GLT6D1: variants seen among roughly 807,000 people sequenced by gnomAD.
The protein encoded by GLT6D1 is glycosyltransferase 6 domain containing 1, also known as putative glycosyltransferase 6 domain-containing protein 1.
In GLT6D1, 9 loss-of-function variants were observed where a neutral mutation model predicts 12.3. That is an observed-to-expected ratio of 0.73 (90% CI 0.44 to 1.27). The LOEUF is 1.27. Among genes scored for constraint, GLT6D1 ranks in the 50% most tolerant of loss-of-function variants. GLT6D1 has a pLI of 0.00. For synonymous variants in GLT6D1, 128 were observed against 132.3 expected, an observed-to-expected ratio of 0.97 and a Z score of 0.23; for missense variants, 335 against 346.2, an observed-to-expected ratio of 0.97 and a Z score of 0.26.
intron 2 of GLT6D1, among the ~76,000 whole-genome samples, chr9:135,635,503 C>T (rs980000003): frequency 6.6e-6 from 1 of 152,122 alleles, no homozygotes; most frequent in African/African-American, 2.4e-5. Flanking sequence ...AGGTCTGCTG[C>T]TTTCCTGGAG....
rs72471205 is a variant in GLT6D1 at position 135,624,724 on chromosome 9, CTTTTTTTTT to C, written c.258-63_258-55del. On this transcript the variant is annotated intron_variant, in intron 4 of 4. Coordinates refer to ENST00000371763, the MANE Select transcript of GLT6D1 (RefSeq NM_182974.3). ...TACTTTTCTCTTTTTTCTTTTCTTT[CTTTTTTTTT>C]TTTTTTTTTTTTTTGAGATGGAGTC... 5.8e-5 allele frequency: 33 copies of C among 565,524 alleles called. 1 individual carries two copies. The highest frequency in any genetic ancestry group is 4.0e-4 in the African/African-American group (12 of 30,200). The allele number at this position is 565,524 out of a possible 1,614,324, so 35.0% of individuals were successfully genotyped here. A position where few individuals can be genotyped will look rare whatever the true frequency, so the allele number is the denominator to read the frequency against.
chr9:135,624,493 A>T lies in GLT6D1; in HGVS notation c.435T>A (p.Asp145Glu), dbSNP rs201640295. 2.5e-6 allele frequency: 4 copies of T among 1,608,002 alleles called. No individual in the cohort carries two copies. The Admixed American group carries it at 5.0e-5, about 20-fold the overall frequency. ...FKVGTERWWL[D>E]GPLVHVKSLG... ...GGCTCTTCACATGCACCAGGGGGCC[A>T]TCGAGCCACCACCTCTCGGTGCCCA... is the stretch of plus-strand genomic sequence containing the variant. Residue 145 changes from aspartate (D) to glutamate (E), a missense_variant, in exon 5 of 5, where the codon GAT becomes GAA. Asp to Glu is a conservative substitution (Grantham distance 45). Transcript: ENST00000371763.
intron 2 of GLT6D1, among the ~76,000 whole-genome samples, chr9:135,632,278 G>A (rs1253252241): frequency 6.6e-6 from 1 of 152,022 alleles, no homozygotes; most frequent in Non-Finnish European, 1.5e-5. Flanking sequence ...GACCACAGGG[G>A]TGTGCCATCA....
chr9:135,630,368 G>A (rs1311267870), intron 3 of GLT6D1, among the ~76,000 whole-genome samples: 1 of 148,084 alleles, frequency 6.8e-6, no homozygotes, highest in East Asian at 2.0e-4. Context: ...ATCACGCCAT[G>A]CACCCCAGCC....
intron 3 of GLT6D1, among the ~76,000 whole-genome samples, chr9:135,628,783 C>T (rs1258518754): frequency 6.6e-6 from 1 of 151,884 alleles, no homozygotes; most frequent in Non-Finnish European, 1.5e-5. Flanking sequence ...CAAATTTTCC[C>T]TTTCTTCTTT....
intron 1 of GLT6D1, 34 bp from the exon 2 acceptor site, chr9:135,639,227 G>A (rs1328269991): frequency 8.1e-7 from 1 of 1,231,728 alleles, no homozygotes; most frequent in South Asian, 1.3e-5. Context: ...TAGATTTTAA[G>A]CAATAAAAAA....
rs1229187312 is a variant in GLT6D1 at position 135,626,061 on chromosome 9, G to T, written c.257+8C>A. 15 of 1,613,614 alleles carry T rather than the reference G, an allele frequency of 9.3e-6. No homozygotes were observed. Among genetic ancestry groups the T allele is most frequent in the Non-Finnish European group, 1.3e-5 (15 of 1,179,794 alleles). The stretch of plus-strand genomic sequence containing the variant: ...AAATAAAAAAGGGCAAAGGTGAGTG[G>T]CACCTACCTGCCAGTAGCAAAGACG... On this transcript the variant is annotated splice_region_variant and intron_variant, in intron 4 of 4. Coordinates refer to ENST00000371763, the MANE Select transcript of GLT6D1 (RefSeq NM_182974.3).
intron 2 of GLT6D1, among the ~76,000 whole-genome samples, chr9:135,636,442 T>C (rs928267070): frequency 4.6e-5 from 7 of 152,224 alleles, no homozygotes; most frequent in African/African-American, 1.7e-4. Flanking sequence ...GTGGGATTGT[T>C]CTGTACATTT....
chr9:135,633,098 T>A (rs1461729550), intron 2 of GLT6D1, among the ~76,000 whole-genome samples: 2 of 152,186 alleles, frequency 1.3e-5, no homozygotes, highest in Non-Finnish European at 2.9e-5. Flanking sequence ...AGTGGTGTCT[T>A]CAGGGATTAG....
At chr9:135,627,138 A>G (rs1044233377) in intron 3 of GLT6D1, among the ~76,000 whole-genome samples, 4 of 152,228 alleles carry the variant, frequency 2.6e-5, no homozygotes, top group Non-Finnish European at 1.5e-5. Flanking sequence ...CAATAAGGCA[A>G]GAAAATGAAA....
intron 3 of GLT6D1, among the ~76,000 whole-genome samples, chr9:135,626,415 C>G (rs1054849947): frequency 3.3e-5 from 5 of 152,216 alleles, no homozygotes; most frequent in Admixed American, 2.0e-4. Context: ...GAGGCACACA[C>G]GGTTGAGTAA....
chr9:135,631,524 T>TAAACATTGAACAG, intron 2 of GLT6D1, 46 bp from the exon 3 acceptor site: 1 of 1,432,254 alleles, frequency 7.0e-7, no homozygotes, highest in Non-Finnish European at 9.9e-7. Context: ...GCCTGTTCAA[T>TAAACATTGAACAG]GTTTATTGAG....
At chr9:135,627,657 T>G (rs1408534214) in intron 3 of GLT6D1, among the ~76,000 whole-genome samples, 1 of 152,242 alleles carries the variant, frequency 6.6e-6, no homozygotes, top group Admixed American at 6.5e-5. Context: ...TGAAGATAGG[T>G]TTTTAATTCT....
rs960150461 is a variant in GLT6D1, at chr9:135,624,491, C to A, written c.437G>T (p.Gly146Val). ...CAGGCTCTTCACATGCACCAGGGGGCCATCGAGCCACCACCTCTCGGTGCC... is the reference window on the plus strand; with the variant it reads ...CAGGCTCTTCACATGCACCAGGGGGACATCGAGCCACCACCTCTCGGTGCC... ...KVGTERWWLD[G>V]PLVHVKSLGE... Residue 146 changes from glycine to valine, a missense_variant, in exon 5 of 5, where the codon GGC becomes GTC. Gly to Val is a moderately radical substitution (Grantham distance 109). Coordinates refer to ENST00000371763, the MANE Select transcript of GLT6D1 (RefSeq NM_182974.3). 1 of 1,607,944 alleles carries A rather than the reference C, an allele frequency of 6.2e-7. No individual in the cohort carries two copies. The highest frequency in any genetic ancestry group is 8.5e-7 in the Non-Finnish European group (1 of 1,176,974).
chr9:135,632,963 C>G (rs533365727), intron 2 of GLT6D1, among the ~76,000 whole-genome samples: 10 of 152,066 alleles, frequency 6.6e-5, no homozygotes, highest in African/African-American at 2.4e-4. Flanking sequence ...CCACCACGCA[C>G]GGCCTGTCCT....
intron 3 of GLT6D1, among the ~76,000 whole-genome samples, chr9:135,627,687 G>A (rs867920842): frequency 2.0e-5 from 3 of 152,162 alleles, no homozygotes; most frequent in African/African-American, 7.2e-5. Context: ...ATATCTAGAG[G>A]TAGAATTGTT....
intron 2 of GLT6D1, among the ~76,000 whole-genome samples, chr9:135,638,866 C>CA (rs907981528): frequency 1.3e-5 from 2 of 151,870 alleles, no homozygotes; most frequent in Non-Finnish European, 2.9e-5. Context: ...TAAGTCTCTA[C>CA]AAAAAAAATT....
At chr9:135,631,556 T>C (rs1328278169) in intron 2 of GLT6D1, 78 bp from the exon 3 acceptor site, 4 of 1,141,694 alleles carry the variant, frequency 3.5e-6, no homozygotes, top group Non-Finnish European at 5.3e-6. Flanking sequence ...CAGGCCCCGT[T>C]TGGTGTTTCG....
intron 3 of GLT6D1, among the ~76,000 whole-genome samples, chr9:135,626,802 C>G (rs532111599): frequency 6.6e-6 from 1 of 152,040 alleles, no homozygotes; most frequent in East Asian, 1.9e-4. Flanking sequence ...GCGAGCCATC[C>G]GATTTGCCTT....
Sources: allele counts gnomAD v4.1 joint callset (sites outside exome capture counted in the v4.1 genomes callset), GRCh38; gene constraint gnomAD v4.1.1; transcripts MANE v1.5; gene names NCBI Gene and HGNC (gene_info 2026-07-23, HGNC 2026-07-21).